TAF3: variants seen among roughly 807,000 people sequenced by gnomAD.
The protein encoded by TAF3 is TATA-box binding protein associated factor 3.
In TAF3, 7 loss-of-function variants were observed where a neutral mutation model predicts 80.6. That is an observed-to-expected ratio of 0.09 (90% confidence interval 0.05 to 0.16). TAF3 has a LOEUF of 0.16. Among genes scored for constraint, TAF3 ranks in the 10% least tolerant of loss-of-function variants. TAF3 has a pLI of 1.00. For synonymous variants in TAF3, 444 were observed against 446.1 expected, an observed-to-expected ratio of 1.00 and a Z score of 0.06; for missense variants, 921 against 1,140.2, an observed-to-expected ratio of 0.81 and a Z score of 2.77.
intron 4 of TAF3, among the ~76,000 whole-genome samples, chr10:7,994,316 T>C (rs948852842): frequency 1.3e-5 from 2 of 152,110 alleles, no homozygotes; most frequent in Admixed American, 6.5e-5. Flanking sequence ...CCAAGGAACA[T>C]TGGTTCCTTC....
chr10:7,852,800 C>T (rs1240882234), intron 2 of TAF3, among the ~76,000 whole-genome samples: 2 of 152,148 alleles, frequency 1.3e-5, no homozygotes, highest in Non-Finnish European at 1.5e-5. Context: ...GAGAAACTTC[C>T]TATCATCTAC....
At chr10:7,947,004 C>T (rs1403872714) in intron 2 of TAF3, among the ~76,000 whole-genome samples, 1 of 152,130 alleles carries the variant, frequency 6.6e-6, no homozygotes, top group Non-Finnish European at 1.5e-5. Context: ...TTAAGAGATC[C>T]TCTCACCTCA....
intron 4 of TAF3, among the ~76,000 whole-genome samples, chr10:7,992,351 T>C (rs1284108254): frequency 6.6e-6 from 1 of 152,214 alleles, no homozygotes; most frequent in Non-Finnish European, 1.5e-5. Context: ...ACATACATAA[T>C]GTAACCATGT....
In TAF3 at chr10:7,964,348, G is replaced by A. The variant is rs1214211310; in HGVS notation, c.838G>A (p.Gly280Arg). ...AACAAAGACTAAAACTAGCTCTCCA[G>A]GACAGAAGACTAAATCACCTAAAAC... is the stretch of plus-strand genomic sequence containing the variant. ...PKTKTKTSSP[G>R]QKTKSPKTAQ... The change falls in exon 3 of 7, where the codon GGA becomes AGA. Residue 280 changes from glycine to arginine, a missense_variant. By Grantham distance (125) the Gly-to-Arg change is moderately radical. Transcript: ENST00000344293. The surrounding 1 kb of genome is among the most constrained non-coding windows in gnomAD (Gnocchi z 4.1). The A allele has an allele frequency of 6.2e-7, 1 of 1,614,078 alleles. No homozygotes were observed. Among genetic ancestry groups the A allele is most frequent in the Non-Finnish European group, 8.5e-7 (1 of 1,180,010 alleles).
chr10:7,924,280 A>T (rs1330070630), intron 2 of TAF3, among the ~76,000 whole-genome samples: 2 of 152,190 alleles, frequency 1.3e-5, no homozygotes, highest in African/African-American at 4.8e-5. Context: ...CCCAATGAGA[A>T]AGCATATTGG....
At position 7,981,030 on chromosome 10, in the gene TAF3, A is replaced by G. The variant is rs552443039; in HGVS notation, c.2315+3707A>G. Among the ~76,000 whole-genome samples, 4 of 152,322 alleles carry G rather than the reference A, an allele frequency of 2.6e-5. No individual in the cohort carries two copies. The East Asian group carries it at 7.7e-4, about 29-fold the overall frequency. On this transcript the variant is annotated intron_variant, in intron 4 of 6. Coordinates refer to ENST00000344293, the MANE Select transcript of TAF3 (RefSeq NM_031923.4). ...GGGCTGTTTGGATGGAACTGTCAAG[A>G]AAGACTTGGCAGAATAGGGCCTGCA...
At position 7,965,143 on chromosome 10, in the gene TAF3, G is replaced by C. The variant is rs373796517; in HGVS notation, c.1633G>C (p.Glu545Gln). 142 of 1,610,884 alleles carry C rather than the reference G, an allele frequency of 8.8e-5. No homozygotes were observed. Among genetic ancestry groups the C allele is most frequent in the Non-Finnish European group, 1.1e-4 (135 of 1,179,206 alleles). ...AGAAAAGCAGAGAGATAGGGAGAGG[G>C]AAAAAGACAAGAACAAGGACAAAAG... ...KKEKQRDREREKDKNKDKSKE... is the reference protein window; with the variant it reads ...KKEKQRDRERQKDKNKDKSKE... Residue 545 changes from glutamate (E) to glutamine (Q), a missense_variant, in exon 3 of 7, where the codon GAA (glutamate) becomes CAA (glutamine). Physicochemically the swap from Glu to Gln is conservative, Grantham distance 29. Transcript: ENST00000344293.
At chr10:7,871,618 A>AT (rs1837267685) in intron 2 of TAF3, among the ~76,000 whole-genome samples, 1 of 151,422 alleles carries the variant, frequency 6.6e-6, no homozygotes, top group African/African-American at 2.4e-5. Context: ...TAATTTTTGT[A>AT]TTTTTAGTAG....
At chr10:7,882,288 C>T (rs1056787514) in intron 2 of TAF3, among the ~76,000 whole-genome samples, 1 of 152,202 alleles carries the variant, frequency 6.6e-6, no homozygotes, top group African/African-American at 2.4e-5. Context: ...GTGTATTCCT[C>T]ATTTACAACA....
rs1369285538 is a variant in TAF3 at position 7,977,331 on chromosome 10, T to C, written c.2315+8T>C. 6.8e-6 allele frequency: 11 copies of C among 1,613,904 alleles called. No homozygotes were observed. The highest frequency in any genetic ancestry group is 9.3e-6 in the Non-Finnish European group (11 of 1,179,838). On this transcript the variant is annotated splice_region_variant and intron_variant, in intron 4 of 6. Transcript: ENST00000344293. ...TGCTGGCCAAGACAAGATGTAAGTA[T>C]AAACGTTTTGAATCAGGGTGAAACA...
chr10:7,873,159 C>T (rs1411150629), intron 2 of TAF3, among the ~76,000 whole-genome samples: 1 of 151,948 alleles, frequency 6.6e-6, no homozygotes, highest in Non-Finnish European at 1.5e-5. Flanking sequence ...ATTTGAGAAT[C>T]TGGAATCTTA....
chr10:7,833,773 G>T, intron 2 of TAF3: 2 of 300,284 alleles, frequency 6.7e-6, no homozygotes, highest in Non-Finnish European at 1.3e-5. Context: ...TAGACATTCT[G>T]GATGGGCATG....
chr10:7,978,164 G>A (rs1311420670), intron 4 of TAF3, among the ~76,000 whole-genome samples: 1 of 152,032 alleles, frequency 6.6e-6, no homozygotes, highest in Non-Finnish European at 1.5e-5. Flanking sequence ...AGTTTACATT[G>A]CAATCAAATA....
Position 7,906,231 on chromosome 10 carries a change from G to A in TAF3, c.410-57689G>A, listed in dbSNP as rs544673928. ...TTTCAGTGTCTTATCTTTAATTTCAGTATTGGATGGTAACATTTCTCTCAA... is the reference window on the plus strand; with the variant it reads ...TTTCAGTGTCTTATCTTTAATTTCAATATTGGATGGTAACATTTCTCTCAA... On this transcript the variant is annotated intron_variant, in intron 2 of 6. Transcript: ENST00000344293. Among the ~76,000 whole-genome samples, 337 of 152,088 alleles carry A rather than the reference G, an allele frequency of 2.2e-3. 2 individuals are homozygous for A. The highest frequency in any genetic ancestry group is 7.7e-3 in the African/African-American group (319 of 41,458).
chr10:7,997,974 G>A (rs1831905400), intron 4 of TAF3, among the ~76,000 whole-genome samples: 1 of 151,990 alleles, frequency 6.6e-6, no homozygotes, highest in South Asian at 2.1e-4. Context: ...ACTGTTAAAT[G>A]TTTTTCTGTT....
intron 1 of TAF3, among the ~76,000 whole-genome samples, chr10:7,821,533 C>G (rs986898714): frequency 1.3e-5 from 2 of 152,302 alleles, no homozygotes; most frequent in African/African-American, 4.8e-5. Context: ...AAGAAATGTT[C>G]TCAAGTTAAA....
At chr10:7,895,798 G>A (rs1361235577) in intron 2 of TAF3, among the ~76,000 whole-genome samples, 1 of 152,180 alleles carries the variant, frequency 6.6e-6, no homozygotes, top group African/African-American at 2.4e-5. Flanking sequence ...TCTTAGGGGT[G>A]AAGTGAAGAT....
chr10:7,871,042 CAT>C (rs1259412214), intron 2 of TAF3, among the ~76,000 whole-genome samples: 2 of 152,054 alleles, frequency 1.3e-5, no homozygotes, highest in African/African-American at 4.8e-5. Context: ...TTAGTCTAGA[CAT>C]AACAGTTTAT....
intron 2 of TAF3, among the ~76,000 whole-genome samples, chr10:7,840,429 A>G (rs541441111): frequency 4.3e-4 from 65 of 151,878 alleles, no homozygotes; most frequent in East Asian, 2.5e-3. Context: ...TGGGATTACA[A>G]GCATGAGCCA....
Sources: gnomAD v4.1 joint callset for allele counts (sites outside exome capture counted in the v4.1 genomes callset) on GRCh38, gnomAD v4.1.1 for gene constraint, Gnocchi (gnomAD v3.1) non-coding constraint, MANE v1.5 for transcripts, NCBI Gene and HGNC (gene_info 2026-07-23, HGNC 2026-07-21) for gene names.